The following NCR1 variants were observed in gnomAD, a reference collection of about 807,000 sequenced individuals.
NCR1 encodes natural cytotoxicity triggering receptor 1, also known as NK cell-activating receptor.
Under a neutral mutation model 32.5 loss-of-function variants are expected in NCR1, and 30 were observed. The observed-to-expected ratio is 0.92, with a 90% CI of 0.69 to 1.25. The LOEUF (loss-of-function observed/expected upper bound fraction) is 1.25, where lower values mean the gene tolerates loss of function less well. Among genes scored for constraint, NCR1 ranks in the 50% most tolerant of loss-of-function variants. The probability of loss-of-function intolerance (pLI) is 0.00; values close to 1 mark genes in which losing one functional copy is unlikely to be tolerated. For missense variants in NCR1, 369 were observed against 380.7 expected, an observed-to-expected ratio of 0.97 and a Z score of 0.26; for synonymous variants, 169 against 143.4, an observed-to-expected ratio of 1.18 and a Z score of -1.28.
At chr19:54,927,538 A>G in the NCR1 span, 2 of 1,517,436 alleles carry the variant, frequency 1.3e-6, no homozygotes, top group East Asian at 2.3e-5. Flanking sequence ...CCTGAATGAC[A>G]GAGCACGACT....
chr19:54,899,414 A>G, the NCR1 span, among the ~76,000 whole-genome samples: 5 of 152,000 alleles, frequency 3.3e-5, no homozygotes, highest in African/African-American at 1.2e-4. Flanking sequence ...AAGCACAGAG[A>G]AAAGAGAGAG....
chr19:54,923,506 AGCTGCAAC>A, the NCR1 span: 6 of 585,430 alleles, frequency 1.0e-5, no homozygotes, highest in African/African-American at 1.1e-4. Context: ...CAATAAACGC[AGCTGCAAC>A]GAGAGTGCTC....
chr19:54,933,450 C>T, the NCR1 span: 7 of 1,326,686 alleles, frequency 5.3e-6, no homozygotes, highest in Admixed American at 3.9e-5. Flanking sequence ...TGGCCTCTGC[C>T]TGTTCTTTAA....
At chr19:54,904,384 T>G (rs917456817), upstream of NCR1, among the ~76,000 whole-genome samples, 20 of 151,916 alleles carry the variant, frequency 1.3e-4, no homozygotes, top group African/African-American at 4.8e-4. Flanking sequence ...CATGTGCAGG[T>G]TTTTTATGAG....
chr19:54,898,518 C>T, the NCR1 span, among the ~76,000 whole-genome samples: 46,922 of 152,084 alleles, frequency 0.31, 7,941 homozygotes, highest in African/African-American at 0.44. Flanking sequence ...TACTCTATTA[C>T]TGTACACCTT....
chr19:54,910,918 G>C (rs1345544668), intron 5 of NCR1, among the ~76,000 whole-genome samples: 1 of 152,214 alleles, frequency 6.6e-6, no homozygotes, highest in Non-Finnish European at 1.5e-5. Flanking sequence ...GCTCTGGAGA[G>C]AATGAAATGG....
chr19:54,927,599 C>A, the NCR1 span: 5 of 1,613,556 alleles, frequency 3.1e-6, no homozygotes, highest in South Asian at 4.4e-5. Context: ...AACAAAAAAC[C>A]CATACCTGAG....
the NCR1 span, chr19:54,923,835 G>C: frequency 6.2e-7 from 1 of 1,613,868 alleles, no homozygotes; most frequent in South Asian, 1.1e-5. Flanking sequence ...TCCTCCAACA[G>C]CTTCTTGATT....
At chr19:54,924,316 A>T in the NCR1 span, among the ~76,000 whole-genome samples, 1 of 152,172 alleles carries the variant, frequency 6.6e-6, no homozygotes, top group Non-Finnish European at 1.5e-5. Flanking sequence ...GGGGATCCTT[A>T]TAAGTCTAAG....
At chr19:54,926,985 G>A in the NCR1 span, among the ~76,000 whole-genome samples, 1 of 151,514 alleles carries the variant, frequency 6.6e-6, no homozygotes, top group African/African-American at 2.4e-5. Context: ...AGCTACTCAG[G>A]AGGTTGAGGC....
intron 5 of NCR1, 61 bp downstream of exon 5, chr19:54,910,126 A>T: frequency 6.6e-7 from 1 of 1,518,502 alleles, no homozygotes; most frequent in East Asian, 2.3e-5. Context: ...GACACTAAAA[A>T]CGTGGCATTC....
chr19:54,909,224 T>G (rs1743736109), intron 3 of NCR1, 21 bp from the exon 4 acceptor site: 4 of 1,595,446 alleles, frequency 2.5e-6, no homozygotes, highest in South Asian at 2.2e-5. Context: ...TCTGGTGTGG[T>G]GGCCCCACCT....
At chr19:54,930,008 A>G in the NCR1 span, among the ~76,000 whole-genome samples, 10 of 150,930 alleles carry the variant, frequency 6.6e-5, no homozygotes, top group Non-Finnish European at 1.5e-4. Context: ...CCAGCTACTC[A>G]GGAGGCTGAG....
At chr19:54,916,702 A>ATTTTTTTTTTT (rs35842513), downstream of NCR1, among the ~76,000 whole-genome samples, 2 of 50,474 alleles carry the variant, frequency 4.0e-5, no homozygotes, top group Non-Finnish European at 6.9e-5. Flanking sequence ...CAACTGTTCT[A>ATTTTTTTTTTT]TTTTTTTTTT....
the NCR1 span, among the ~76,000 whole-genome samples, chr19:54,934,857 T>G: frequency 1.3e-5 from 2 of 151,928 alleles, no homozygotes; most frequent in Admixed American, 1.3e-4. This position sits in a 1 kb window ranked among gnomAD's most constrained non-coding sequence, Gnocchi z 6.7. Flanking sequence ...TTACAGGCAT[T>G]CGCCAATTTT....
At chr19:54,899,093 A>G in the NCR1 span, among the ~76,000 whole-genome samples, 2 of 152,272 alleles carry the variant, frequency 1.3e-5, no homozygotes, top group East Asian at 3.9e-4. Context: ...GACGAGTTGC[A>G]CTGGGCATAG....
the NCR1 span, among the ~76,000 whole-genome samples, chr19:54,926,858 C>A: frequency 1.4e-5 from 2 of 145,852 alleles, no homozygotes; most frequent in Non-Finnish European, 1.5e-5. Context: ...AGAGGTTGCA[C>A]TGAGCCGAGA....
upstream of NCR1, among the ~76,000 whole-genome samples, chr19:54,903,084 T>G (rs148291734): frequency 4.1e-3 from 617 of 151,816 alleles, 1 homozygote; most frequent in Non-Finnish European, 5.6e-3. Context: ...GAGCTGAGAT[T>G]GCACCACTGC....
downstream of NCR1, among the ~76,000 whole-genome samples, chr19:54,919,718 C>G (rs559702593): frequency 1.4e-5 from 2 of 144,858 alleles, no homozygotes; most frequent in Non-Finnish European, 3.0e-5. Context: ...AGGGAGACCC[C>G]CCCCCCCACC....
Sources: allele counts gnomAD v4.1 joint callset (sites outside exome capture counted in the v4.1 genomes callset), GRCh38; gene constraint gnomAD v4.1.1; non-coding constraint Gnocchi (gnomAD v3.1); transcripts MANE v1.5; gene names NCBI Gene and HGNC (gene_info 2026-07-23, HGNC 2026-07-21).